NOP58: variants seen among roughly 807,000 people sequenced by gnomAD.
NOP58 encodes the protein NOP58 ribonucleoprotein.
In NOP58, 44 loss-of-function variants were observed where a neutral mutation model predicts 71.2. That is an observed-to-expected ratio of 0.62 (90% CI 0.49 to 0.79). The LOEUF (loss-of-function observed/expected upper bound fraction) is 0.79, where lower values mean the gene tolerates loss of function less well. Among genes scored for constraint, NOP58 ranks in the 30% least tolerant of loss-of-function variants. NOP58 has a pLI of 0.00. For synonymous variants in NOP58, 228 were observed against 200.3 expected, an observed-to-expected ratio of 1.14 and a Z score of -1.17; for missense variants, 538 against 620.2, an observed-to-expected ratio of 0.87 and a Z score of 1.41.
Position 202,295,728 on chromosome 2 carries a change from CT to C in NOP58, c.963del (p.Glu322LysfsTer70). The C allele has an allele frequency of 6.2e-7, 1 of 1,610,804 alleles. No homozygotes were observed. The highest frequency in any genetic ancestry group is 8.5e-7 in the Non-Finnish European group (1 of 1,178,762). On this transcript the variant is annotated frameshift_variant, in exon 10 of 15. Transcript: ENST00000264279. LOFTEE classifies it high-confidence loss of function. Reference protein sequence around the residue: ...HAASTVQILGAEKALFRALKS... With the variant: ...HAASTVQILGXEKALFRALKS... ...GCTTCTACCGTTCAGATTCTTGGAG[CT>C]GAAAAGGCACTTTTCAGAGCCCTCA...
chr2:202,295,557 T>C (rs747412920), intron 9 of NOP58, 117 bp from the exon 10 acceptor site: 43 of 719,998 alleles, frequency 6.0e-5, no homozygotes, highest in Non-Finnish European at 6.1e-5. Context: ...GAATTCTATA[T>C]TATATGTGAT....
In NOP58 at chr2:202,284,464, T is replaced by C; in HGVS notation, c.417T>C (p.Cys139=). Residue 139 remains cysteine, a synonymous_variant, in exon 5 of 15, where the codon TGT becomes TGC. Coordinates refer to ENST00000264279, the MANE Select transcript of NOP58 (RefSeq NM_015934.5). ...AACCACGTGAAATGGCAGCTATGTGTCTTGGATTGGCTCACAGGTGAGAAT... is the reference window on the plus strand; with the variant it reads ...AACCACGTGAAATGGCAGCTATGTGCCTTGGATTGGCTCACAGGTGAGAAT... ...GVEPREMAAM[C]LGLAHSLSRY... is the part of the protein sequence containing the mutation. 1 of 1,613,074 alleles carries C rather than the reference T, an allele frequency of 6.2e-7. No individual in the cohort carries two copies. Among genetic ancestry groups the C allele is most frequent in the African/African-American group, 1.3e-5 (1 of 74,970 alleles).
At chr2:202,270,130 C>G (rs1688493378) in intron 1 of NOP58, among the ~76,000 whole-genome samples, 1 of 152,188 alleles carries the variant, frequency 6.6e-6, no homozygotes, top group South Asian at 2.1e-4. Flanking sequence ...GTTTTAGTTA[C>G]AATCCAGTTT....
At chr2:202,289,583 T>G (rs955179181) in intron 6 of NOP58, among the ~76,000 whole-genome samples, 1 of 152,174 alleles carries the variant, frequency 6.6e-6, no homozygotes, top group African/African-American at 2.4e-5. Flanking sequence ...CCCAAGCATT[T>G]TGGGTAACGT....
At chr2:202,273,273 CAAAT>C (rs1393212138) in intron 1 of NOP58, among the ~76,000 whole-genome samples, 1 of 152,174 alleles carries the variant, frequency 6.6e-6, no homozygotes, top group African/African-American at 2.4e-5. Flanking sequence ...ATTACTATGA[CAAAT>C]AAAACCATTG....
intron 10 of NOP58, 147 bp from the exon 11 acceptor site, chr2:202,297,232 A>C (rs1689008402): frequency 1.5e-6 from 1 of 674,318 alleles, no homozygotes; most frequent in Non-Finnish European, 2.4e-6. Context: ...ATATATGGCC[A>C]TTAGATTGTG....
chr2:202,287,644 T>G lies in NOP58; in HGVS notation c.435-16T>G, dbSNP rs771371783. On this transcript the variant is annotated splice_polypyrimidine_tract_variant and intron_variant, in intron 5 of 14. Coordinates refer to ENST00000264279, the MANE Select transcript of NOP58 (RefSeq NM_015934.5). ...TAGATGCTATCTTGCTAATTTATTT[T>G]CCCCTTTCTTCCCAGCCTGTCTCGA... 2 of 1,600,954 alleles carry G rather than the reference T, an allele frequency of 1.2e-6. No homozygotes were observed. The highest frequency in any genetic ancestry group is 2.2e-5 in the South Asian group (2 of 90,710).
chr2:202,278,303 G>A, intron 3 of NOP58: 2 of 519,274 alleles, frequency 3.9e-6, no homozygotes, highest in East Asian at 5.4e-5. Context: ...GCACAATTCA[G>A]TAAAAGGTGT....
intron 1 of NOP58, among the ~76,000 whole-genome samples, chr2:202,274,859 T>C (rs1459334323): frequency 6.6e-6 from 1 of 152,178 alleles, no homozygotes; most frequent in Non-Finnish European, 1.5e-5. Context: ...TGAGGCCAGG[T>C]AGATTCTAGA....
chr2:202,297,022 C>T (rs112520135), intron 10 of NOP58, among the ~76,000 whole-genome samples: 1 of 152,274 alleles, frequency 6.6e-6, no homozygotes, highest in African/African-American at 2.4e-5. Context: ...CGTGAGCCAC[C>T]GCGCTCGGCC....
intron 4 of NOP58, among the ~76,000 whole-genome samples, chr2:202,282,762 G>A (rs1688726811): frequency 6.6e-6 from 1 of 152,102 alleles, no homozygotes; most frequent in Non-Finnish European, 1.5e-5. Context: ...CCATATTTTT[G>A]TCTAGCCACA....
chr2:202,292,613 G>C (rs992665442), intron 8 of NOP58, among the ~76,000 whole-genome samples, 164 bp from the exon 9 acceptor site: 29 of 151,678 alleles, frequency 1.9e-4, no homozygotes. Context: ...GCTCCAGCCT[G>C]GGAAAAAAAA....
At chr2:202,266,057 G>A in intron 1 of NOP58, 71 bp downstream of exon 1, 1 of 1,554,270 alleles carries the variant, frequency 6.4e-7, no homozygotes, top group Non-Finnish European at 8.9e-7. Context: ...AAAGACTTAA[G>A]CACGGAACTA....
intron 8 of NOP58, among the ~76,000 whole-genome samples, chr2:202,291,644 T>C (rs1185520336): frequency 6.6e-6 from 1 of 151,668 alleles, no homozygotes; most frequent in Non-Finnish European, 1.5e-5. Context: ...CCATCTCTAC[T>C]AAAAATGCAA....
Position 202,292,868 on chromosome 2 carries a change from G to C in NOP58, c.872G>C (p.Gly291Ala), listed in dbSNP as rs1479390319. The C allele has an allele frequency of 6.2e-7, 1 of 1,614,064 alleles. No individual in the cohort carries two copies. The highest frequency in any genetic ancestry group is 8.5e-7 in the Non-Finnish European group (1 of 1,179,930). ...GCACCCAATGTTACAGTCATGGTTG[G>C]GGAATTAGTTGGAGCACGGCTTATT... ...AIAPNVTVMV[G>A]ELVGARLIAH... is the part of the protein sequence containing the mutation. Residue 291 changes from glycine to alanine, a missense_variant, in exon 9 of 15, where the codon GGG becomes GCG. Transcript: ENST00000264279.
intron 6 of NOP58, among the ~76,000 whole-genome samples, chr2:202,288,224 C>T (rs1688825385): frequency 6.6e-6 from 1 of 152,070 alleles, no homozygotes; most frequent in South Asian, 2.1e-4. Flanking sequence ...GTGGCTCATG[C>T]CTGTAATCCC....
chr2:202,279,594 A>G (rs1300358877), intron 3 of NOP58, among the ~76,000 whole-genome samples: 1 of 152,224 alleles, frequency 6.6e-6, no homozygotes, highest in African/African-American at 2.4e-5. Context: ...GGTCAGTTCA[A>G]GATCAGCCTG....
At position 202,265,906 on chromosome 2, in the gene NOP58, C is replaced by T. The variant is rs1688405098; in HGVS notation, c.-36C>T. ...TGTTTTTGAACTGACTCTACAGCTT[C>T]TGGCAGGCCGTGCGGCGCCCTGACC... On this transcript the variant is annotated 5_prime_UTR_variant, in exon 1 of 15. Coordinates refer to ENST00000264279, the MANE Select transcript of NOP58 (RefSeq NM_015934.5). 5 of 1,614,040 alleles carry T rather than the reference C, an allele frequency of 3.1e-6. No individual in the cohort carries two copies. Among genetic ancestry groups the T allele is most frequent in the South Asian group, 1.1e-5 (1 of 91,078 alleles).
At chr2:202,279,017 A>C (rs1281077223) in intron 3 of NOP58, among the ~76,000 whole-genome samples, 1 of 152,192 alleles carries the variant, frequency 6.6e-6, no homozygotes, top group Non-Finnish European at 1.5e-5. Context: ...GCCATAAAAA[A>C]AACTGTGGTA....
Sources: gnomAD v4.1 joint callset for allele counts (sites outside exome capture counted in the v4.1 genomes callset) on GRCh38, gnomAD v4.1.1 for gene constraint, MANE v1.5 for transcripts, NCBI Gene and HGNC (gene_info 2026-07-23, HGNC 2026-07-21) for gene names.